Variants in TTL observed in about 807,000 individuals in gnomAD.
TTL encodes tubulin--tyrosine ligase.
Under a neutral mutation model 41.1 loss-of-function variants are expected in TTL, and 10 were observed. The observed-to-expected ratio is 0.24, with a 90% CI of 0.15 to 0.41. TTL has a LOEUF of 0.41. Among genes scored for constraint, TTL ranks in the 10% least tolerant of loss-of-function variants. TTL has a pLI of 1.00. For synonymous variants in TTL, 175 were observed against 175.5 expected, an observed-to-expected ratio of 1.00 and a Z score of 0.02; for missense variants, 367 against 460.4, an observed-to-expected ratio of 0.80 and a Z score of 1.86.
At chr2:112,516,916 G>A (rs553789940) in intron 5 of TTL, among the ~76,000 whole-genome samples, 2 of 152,108 alleles carry the variant, frequency 1.3e-5, no homozygotes, top group East Asian at 3.9e-4. Context: ...GCTGGAAAAA[G>A]AATTCCTATT....
intron 5 of TTL, among the ~76,000 whole-genome samples, chr2:112,512,329 C>T (rs1681944773): frequency 6.6e-6 from 1 of 150,656 alleles, no homozygotes; most frequent in African/African-American, 2.4e-5. Context: ...GTGGCGTGAT[C>T]TCGGCTCACT....
chr2:112,515,933 C>T (rs936157969), intron 5 of TTL, among the ~76,000 whole-genome samples: 5 of 149,446 alleles, frequency 3.3e-5, no homozygotes, highest in East Asian at 3.9e-4. Context: ...GGCGACACAG[C>T]GAGACTCCAT....
chr2:112,485,847 A>G (rs1681225670), intron 1 of TTL, 70 bp from the exon 2 acceptor site: 2 of 1,337,408 alleles, frequency 1.5e-6, no homozygotes, highest in East Asian at 2.3e-5. Context: ...AAAGCTGGGC[A>G]TGACACAGCT....
chr2:112,497,373 C>G (rs1461328872), intron 3 of TTL, among the ~76,000 whole-genome samples: 1 of 151,378 alleles, frequency 6.6e-6, no homozygotes, highest in Non-Finnish European at 1.5e-5. Context: ...CATGAGATTA[C>G]TTGGTCAAAT....
At chr2:112,509,378 T>G (rs1171561871) in intron 5 of TTL, among the ~76,000 whole-genome samples, 39 of 152,302 alleles carry the variant, frequency 2.6e-4, no homozygotes, top group Middle Eastern at 3.4e-3. Context: ...GTTTACCTAA[T>G]CAAGCCTGGG....
rs1682438302 is a variant in TTL, at chr2:112,528,989, A to G, written c.*194A>G. On this transcript the variant is annotated 3_prime_UTR_variant, in exon 7 of 7. Transcript: ENST00000233336. ...GCTGCTCAGGGGGCTTCCCAGATGTAGCTCTCAGCAGTGCTGTTGAGACTT... is the reference window on the plus strand; with the variant it reads ...GCTGCTCAGGGGGCTTCCCAGATGTGGCTCTCAGCAGTGCTGTTGAGACTT... 1 of 601,416 alleles carries G rather than the reference A, an allele frequency of 1.7e-6. No individual in the cohort carries two copies. The highest frequency in any genetic ancestry group is 3.0e-6 in the Non-Finnish European group (1 of 335,648). 37.3% of individuals were successfully genotyped at this position (601,416 alleles called of 1,614,324 possible).
In TTL at chr2:112,531,079, G is replaced by C. The variant is rs1449687497; in HGVS notation, c.*2284G>C. Reference sequence around the variant, plus strand: ...ACTGCAGCCTCGAATTTCTGGGCTTGAGCAGTCCTCCCGTCTCAGCCTCCT... The same window carrying C: ...ACTGCAGCCTCGAATTTCTGGGCTTCAGCAGTCCTCCCGTCTCAGCCTCCT... On this transcript the variant is annotated 3_prime_UTR_variant, in exon 7 of 7. Coordinates refer to ENST00000233336, the MANE Select transcript of TTL (RefSeq NM_153712.5). 4.8e-6 allele frequency: 1 copy of C among 207,062 alleles called. No homozygotes were observed. Among genetic ancestry groups the C allele is most frequent in the Non-Finnish European group, 9.9e-6 (1 of 101,380 alleles). The allele number at this position is 207,062 out of a possible 1,614,324, so 12.8% of individuals were successfully genotyped here.
chr2:112,497,760 A>G (rs550347842), intron 3 of TTL, among the ~76,000 whole-genome samples: 72 of 152,238 alleles, frequency 4.7e-4, no homozygotes, highest in African/African-American at 1.6e-3. Flanking sequence ...GGATCATTGA[A>G]TTAATGAACT....
chr2:112,513,637 ATATT>A (rs1201540634), intron 5 of TTL, among the ~76,000 whole-genome samples: 4 of 149,866 alleles, frequency 2.7e-5, no homozygotes, highest in South Asian at 4.2e-4. Context: ...ACAAGTATGA[ATATT>A]TATACAAGTA....
intron 6 of TTL, among the ~76,000 whole-genome samples, chr2:112,524,365 G>A (rs547968156): frequency 2.0e-5 from 3 of 152,114 alleles, no homozygotes; most frequent in Admixed American, 6.6e-5. Context: ...TTGAGGAATC[G>A]CCACACTGTC....
Position 112,501,249 on chromosome 2 carries a change from T to C in TTL, c.513T>C (p.Asp171=). The part of the protein sequence containing the change: ...LISSEASELL[D]FIDNQGQVHV... ...CCTCAGAGGCTTCAGAGCTTCTCGA[T>C]TTCATAGACAACCAGGGCCAAGTGC... The change falls in exon 4 of 7, where the codon GAT becomes GAC. Residue 171 remains aspartate (D), a synonymous_variant. Coordinates refer to ENST00000233336, the MANE Select transcript of TTL (RefSeq NM_153712.5). The C allele has an allele frequency of 6.2e-7, 1 of 1,613,868 alleles. No individual in the cohort carries two copies. Among genetic ancestry groups the C allele is most frequent in the Non-Finnish European group, 8.5e-7 (1 of 1,179,824 alleles).
intron 5 of TTL, among the ~76,000 whole-genome samples, chr2:112,518,438 A>G (rs1295006995): frequency 1.3e-5 from 2 of 151,990 alleles, no homozygotes; most frequent in African/African-American, 4.8e-5. Context: ...TAAAAGAACC[A>G]TTTAAGCCAA....
At position 112,529,402 on chromosome 2, in the gene TTL, T is replaced by C. The variant is rs1682451168; in HGVS notation, c.*607T>C. 4.4e-6 allele frequency: 1 copy of C among 229,290 alleles called. No individual in the cohort carries two copies. Among genetic ancestry groups the C allele is most frequent in the Non-Finnish European group, 8.7e-6 (1 of 115,408 alleles). 14.2% of individuals were successfully genotyped at this position (229,290 alleles called of 1,614,324 possible). On this transcript the variant is annotated 3_prime_UTR_variant, in exon 7 of 7. Coordinates refer to ENST00000233336, the MANE Select transcript of TTL (RefSeq NM_153712.5). ...GGTTGGGCCCCAAAACAGCATATGC[T>C]GCTCTAAGTCTGCTCTCTGCATGTT...
At chr2:112,490,964 G>GT (rs1165312927) in intron 2 of TTL, among the ~76,000 whole-genome samples, 1 of 151,978 alleles carries the variant, frequency 6.6e-6, no homozygotes, top group African/African-American at 2.4e-5. Flanking sequence ...TGTGACAGAT[G>GT]TAAGAGATTT....
At chr2:112,490,723 C>G in intron 2 of TTL, among the ~76,000 whole-genome samples, 1 of 151,378 alleles carries the variant, frequency 6.6e-6, no homozygotes. Context: ...AGGCACCCAC[C>G]ACCATGTCTG....
chr2:112,509,912 G>A (rs1681880878), intron 5 of TTL, among the ~76,000 whole-genome samples: 1 of 152,178 alleles, frequency 6.6e-6, no homozygotes, highest in South Asian at 2.1e-4. Flanking sequence ...GGGATTACAG[G>A]CGTAAGCCAC....
At chr2:112,492,112 A>G (rs1159962893) in intron 2 of TTL, among the ~76,000 whole-genome samples, 1 of 152,204 alleles carries the variant, frequency 6.6e-6, no homozygotes, top group Non-Finnish European at 1.5e-5. Context: ...CTTGATCTGA[A>G]TCAATCTATT....
chr2:112,509,199 G>GA (rs1681855799), intron 5 of TTL, among the ~76,000 whole-genome samples: 1 of 142,356 alleles, frequency 7.0e-6, no homozygotes, highest in Non-Finnish European at 1.5e-5. Context: ...CGTGCTGGGA[G>GA]AACCACTGCT....
At chr2:112,509,893 C>T (rs1466187437) in intron 5 of TTL, among the ~76,000 whole-genome samples, 1 of 152,214 alleles carries the variant, frequency 6.6e-6, no homozygotes, top group East Asian at 1.9e-4. Context: ...CTCGGCCTCC[C>T]AAAGTGCTGG....
Sources: gnomAD v4.1 joint callset for allele counts (sites outside exome capture counted in the v4.1 genomes callset) on GRCh38, gnomAD v4.1.1 for gene constraint, MANE v1.5 for transcripts, NCBI Gene and HGNC (gene_info 2026-07-23, HGNC 2026-07-21) for gene names.